TXNRD3: variants seen among roughly 807,000 people sequenced by gnomAD.
TXNRD3 encodes the protein TXNRD3 neighbor gene protein.
In TXNRD3, 68 loss-of-function variants were observed where a neutral mutation model predicts 78.2. The ratio of observed to expected loss-of-function variants is 0.87; its 90% confidence interval spans 0.72 to 1.06. The LOEUF (loss-of-function observed/expected upper bound fraction) is 1.06. Ranked by LOEUF, TXNRD3 falls within the 50% of genes least tolerant of loss-of-function variation. The pLI is 0.00. For synonymous variants in TXNRD3, 296 were observed against 300.1 expected, an observed-to-expected ratio of 0.99 and a Z score of 0.14; for missense variants, 751 against 809.5, an observed-to-expected ratio of 0.93 and a Z score of 0.88.
Position 126,607,622 on chromosome 3 carries a change from C to A in TXNRD3, c.*283G>T, listed in dbSNP as rs1231795804. The A allele has an allele frequency of 1.3e-5, 4 of 300,340 alleles. No homozygotes were observed. Among genetic ancestry groups the A allele is most frequent in the African/African-American group, 8.6e-5 (4 of 46,400 alleles). The allele number at this position is 300,340 out of a possible 1,614,324, so 18.6% of individuals were successfully genotyped here. A position where few individuals can be genotyped will look rare whatever the true frequency, so the allele number is the denominator to read the frequency against. The stretch of plus-strand genomic sequence containing the variant: ...AGGTCTTTCCGAGGGAAGCTCAGTC[C>A]TGGCTTGCGAGAGTCAGCCTTGGCT... On this transcript the variant is annotated 3_prime_UTR_variant, in exon 16 of 16. Coordinates refer to ENST00000524230, the MANE Select transcript of TXNRD3 (RefSeq NM_052883.3).
chr3:126,622,582 G>T, intron 10 of TXNRD3, 42 bp from the exon 11 acceptor site: 2 of 1,422,080 alleles, frequency 1.4e-6, no homozygotes, highest in Non-Finnish European at 1.9e-6. Context: ...TATCCATATC[G>T]GGAATGAAAG....
intron 1 of TXNRD3, among the ~76,000 whole-genome samples, chr3:126,648,897 C>T (rs1173788713): frequency 6.6e-6 from 1 of 152,204 alleles, no homozygotes; most frequent in Non-Finnish European, 1.5e-5. Context: ...GTTATCTACT[C>T]AGGAGGCTGA....
chr3:126,644,009 A>G lies in TXNRD3; in HGVS notation c.564T>C (p.Val188=). 1 of 1,536,142 alleles carries G rather than the reference A, an allele frequency of 6.5e-7. No individual in the cohort carries two copies. The highest frequency in any genetic ancestry group is 1.2e-5 in the South Asian group (1 of 84,050). ...AGGATGTGCCCTGAGGTGACGGGAC[A>G]ACAAAGTCTAGCACCATAACTTTCT... The change falls in exon 5 of 16, where the codon GTT becomes GTC. Residue 188 remains valine (V), a synonymous_variant. Transcript: ENST00000524230.
Position 126,607,817 on chromosome 3 carries a change from G to A in TXNRD3, c.*88C>T. 1 of 1,119,168 alleles carries A rather than the reference G, an allele frequency of 8.9e-7. No individual in the cohort carries two copies. Among genetic ancestry groups the A allele is most frequent in the Non-Finnish European group, 1.3e-6 (1 of 799,590 alleles). 69.3% of individuals were successfully genotyped at this position (1,119,168 alleles called of 1,614,324 possible). ...CTGGTCCCTGAGTAACAGAGCAGCT[G>A]TCATGAGCACAGGCTCATTTTATCC... is the stretch of plus-strand genomic sequence containing the variant. On this transcript the variant is annotated 3_prime_UTR_variant, in exon 16 of 16. Coordinates refer to ENST00000524230, the MANE Select transcript of TXNRD3 (RefSeq NM_052883.3).
intron 15 of TXNRD3, 138 bp downstream of exon 15, chr3:126,608,360 GA>G (rs1013134840): frequency 1.9e-6 from 2 of 1,064,732 alleles, no homozygotes; most frequent in African/African-American, 1.6e-5. Context: ...GACCCTGTCT[GA>G]AAAAAATAAA....
intron 1 of TXNRD3, among the ~76,000 whole-genome samples, chr3:126,652,063 G>A (rs932059887): frequency 6.6e-6 from 1 of 152,148 alleles, no homozygotes; most frequent in African/African-American, 2.4e-5. Flanking sequence ...ATATGAGACT[G>A]GGTAATATAT....
intron 10 of TXNRD3, among the ~76,000 whole-genome samples, chr3:126,626,357 T>C (rs926024030): frequency 6.6e-5 from 10 of 152,084 alleles, no homozygotes; most frequent in South Asian, 4.1e-4. Flanking sequence ...GAAAAATACA[T>C]AGGCAAGTCA....
Position 126,608,563 on chromosome 3 carries a change from A to G in TXNRD3, c.1799T>C (p.Met600Thr), listed in dbSNP as rs1295468305. Residue 600 changes from methionine to threonine, a missense_variant, in exon 15 of 16, where the codon ATG (methionine) becomes ACG (threonine). By Grantham distance (81) the Met-to-Thr change is moderately conservative. Transcript: ENST00000524230. The stretch of plus-strand genomic sequence containing the variant: ...TAGCTGTTTTGTGAGCCCACATTTC[A>G]TTGCAGCTGCAAATCCTTGGGTAAC... 1.9e-5 allele frequency: 29 copies of G among 1,535,884 alleles called. No individual in the cohort carries two copies. The East Asian group carries it at 7.1e-4, about 38-fold the overall frequency.
rs1177175848 is a variant in TXNRD3, at chr3:126,642,053, C to A, written c.691G>T (p.Gly231Cys). ...TCACCTTGTTGATTATATTCCCAGC[C>A]AAATTTCCTTGAGTCACATAATGCC... Residue 231 changes from glycine to cysteine, a missense_variant, in exon 6 of 16, where the codon GGC becomes TGC. Physicochemically the swap from Gly to Cys is radical, Grantham distance 159 (BLOSUM62 -3). Coordinates refer to ENST00000524230, the MANE Select transcript of TXNRD3 (RefSeq NM_052883.3). 10 of 1,535,190 alleles carry A rather than the reference C, an allele frequency of 6.5e-6. No individual in the cohort carries two copies. The highest frequency in any genetic ancestry group is 3.6e-5 in the South Asian group (3 of 83,804).
intron 1 of TXNRD3, among the ~76,000 whole-genome samples, chr3:126,652,346 T>A (rs946971664): frequency 2.0e-5 from 3 of 152,158 alleles, no homozygotes; most frequent in Non-Finnish European, 4.4e-5. Flanking sequence ...TCCACCCCCA[T>A]GATCCATTCA....
rs770409996 is a variant in TXNRD3 at position 126,643,975 on chromosome 3, A to C, written c.592+6T>G. 6.5e-7 allele frequency: 1 copy of C among 1,534,594 alleles called. No individual in the cohort carries two copies. The highest frequency in any genetic ancestry group is 1.2e-5 in the South Asian group (1 of 83,746). ...CAGAGAGGAACAACAGAGAAAAACAACTTACCCCAGGATGTGCCCTGAGGT... is the reference window on the plus strand; with the variant it reads ...CAGAGAGGAACAACAGAGAAAAACACCTTACCCCAGGATGTGCCCTGAGGT... On this transcript the variant is annotated splice_donor_region_variant and intron_variant, in intron 5 of 15. Coordinates refer to ENST00000524230, the MANE Select transcript of TXNRD3 (RefSeq NM_052883.3).
intron 12 of TXNRD3, among the ~76,000 whole-genome samples, chr3:126,618,331 T>G (rs1190183794): frequency 1.3e-5 from 2 of 152,046 alleles, no homozygotes; most frequent in African/African-American, 2.4e-5. Context: ...ATACTACAAG[T>G]TATAGTACCC....
chr3:126,627,117 A>G (rs2107617106), intron 10 of TXNRD3, among the ~76,000 whole-genome samples: 1 of 152,290 alleles, frequency 6.6e-6, no homozygotes, highest in Non-Finnish European at 1.5e-5. Context: ...AAAGCTTTCC[A>G]CAAAGAATCT....
At chr3:126,609,101 G>A (rs1378351089) in intron 14 of TXNRD3, 2 of 416,924 alleles carry the variant, frequency 4.8e-6, no homozygotes, top group Non-Finnish European at 9.7e-6. Context: ...CCAGGGCTGT[G>A]TGCTGAGAGG....
chr3:126,647,771 G>A (rs1933276796), intron 1 of TXNRD3, among the ~76,000 whole-genome samples: 1 of 152,276 alleles, frequency 6.6e-6, no homozygotes, highest in East Asian at 1.9e-4. Context: ...GAAGTTTGAA[G>A]CTGCAGTGAG....
At position 126,624,514 on chromosome 3, in the gene TXNRD3, G is replaced by A. The variant is rs183513553; in HGVS notation, c.1291-1974C>T. On this transcript the variant is annotated intron_variant, in intron 10 of 15. Transcript: ENST00000524230. The stretch of plus-strand genomic sequence containing the variant: ...CGGCTCACTGCAAGCTCTGCCTCCC[G>A]GGTTCACGCCATTCTCCTGCCTCAG... Among the ~76,000 whole-genome samples, 1,408 of 151,554 alleles carry A rather than the reference G, an allele frequency of 9.3e-3. 9 individuals carry two copies. Among genetic ancestry groups the A allele is most frequent in the Non-Finnish European group, 0.016 (1,077 of 67,914 alleles).
intron 5 of TXNRD3, 21 bp from the exon 6 acceptor site, chr3:126,642,172 T>A: frequency 6.6e-7 from 1 of 1,525,714 alleles, no homozygotes; most frequent in Non-Finnish European, 8.7e-7. Flanking sequence ...AAATAAGTTT[T>A]AATGCTTCTT....
Position 126,607,943 on chromosome 3 carries a change from A to G in TXNRD3, c.1894T>C (p.Ser632Pro), listed in dbSNP as rs966116587. ...CCTTTCTGAGTGATGTCTAGTCCTG[A>G]CGACTTTGTGATTTCCAAAGTCGTG... Residue 632 changes from serine (S) to proline (P), a missense_variant, in exon 16 of 16, where the codon TCA becomes CCA. Coordinates refer to ENST00000524230, the MANE Select transcript of TXNRD3 (RefSeq NM_052883.3). 1.4e-5 allele frequency: 21 copies of G among 1,507,724 alleles called. No homozygotes were observed. The highest frequency in any genetic ancestry group is 3.7e-5 in the South Asian group (3 of 80,626). The allele number at this position is 1,507,724 out of a possible 1,614,324, so 93.4% of individuals were successfully genotyped here.
rs931123289 is a variant in TXNRD3, at chr3:126,621,875, T to A, written c.1391A>T (p.Asp464Val). 41 of 1,518,574 alleles carry A rather than the reference T, an allele frequency of 2.7e-5. No individual in the cohort carries two copies. The highest frequency in any genetic ancestry group is 3.5e-5 in the Non-Finnish European group (40 of 1,141,838). The allele number at this position is 1,518,574 out of a possible 1,614,324, so 94.1% of individuals were successfully genotyped here. The change falls in exon 12 of 16, where the codon GAT becomes GTT. Residue 464 changes from aspartate to valine, a missense_variant. Coordinates refer to ENST00000524230, the MANE Select transcript of TXNRD3 (RefSeq NM_052883.3). ...ATATGGCACATTGGTCTGTTCCACA[T>A]CATTTACAGGTATTTTTCCACTCCT...
Sources: allele counts gnomAD v4.1 joint callset (sites outside exome capture counted in the v4.1 genomes callset), GRCh38; gene constraint gnomAD v4.1.1; transcripts MANE v1.5; gene names NCBI Gene and HGNC (gene_info 2026-07-23, HGNC 2026-07-21).